Variants in LINGO2 observed in about 807,000 individuals in gnomAD.
LINGO2 encodes leucine-rich repeat and immunoglobulin-like domain-containing nogo receptor-interacting protein 2.
Under a neutral mutation model 30.6 loss-of-function variants are expected in LINGO2, and 14 were observed. The observed-to-expected ratio is 0.46, with a 90% CI of 0.30 to 0.72. The LOEUF is 0.72. Ranked by LOEUF, LINGO2 falls within the 30% of genes least tolerant of loss-of-function variation. The pLI is 0.07. For missense variants in LINGO2, 729 were observed against 751.7 expected (o/e 0.97, Z 0.35); for synonymous variants, 317 against 288.5 (o/e 1.10, Z -1.00).
the LINGO2 span, among the ~76,000 whole-genome samples, chr9:28,781,246 T>C: frequency 6.6e-6 from 1 of 152,116 alleles, no homozygotes; most frequent in Non-Finnish European, 1.5e-5. Flanking sequence ...GAACTGACAG[T>C]GCTCAAATAC....
At chr9:28,877,084 T>A in the LINGO2 span, among the ~76,000 whole-genome samples, 1 of 149,760 alleles carries the variant, frequency 6.7e-6, no homozygotes, top group African/African-American at 2.5e-5. Flanking sequence ...CTTCACCCAC[T>A]TTTTGATGGG....
the LINGO2 span, among the ~76,000 whole-genome samples, chr9:28,869,895 G>A: frequency 4.0e-5 from 6 of 151,184 alleles, no homozygotes; most frequent in African/African-American, 1.2e-4. Flanking sequence ...CCTGCCTTTC[G>A]ATTCTTCCCT....
intron 4 of LINGO2, among the ~76,000 whole-genome samples, chr9:28,188,700 GC>G (rs1819633470): frequency 6.6e-6 from 1 of 152,098 alleles, no homozygotes; most frequent in Non-Finnish European, 1.5e-5. Context: ...ATGGTGACAA[GC>G]CAAGGAAAAT....
At chr9:29,008,198 T>C in the LINGO2 span, among the ~76,000 whole-genome samples, 2 of 152,172 alleles carry the variant, frequency 1.3e-5, no homozygotes, top group Non-Finnish European at 2.9e-5. Context: ...GTCCTTGCAA[T>C]AGTTTGCTGA....
intron 4 of LINGO2, among the ~76,000 whole-genome samples, chr9:28,104,797 A>C (rs566692249): frequency 5.9e-5 from 9 of 152,266 alleles, no homozygotes; most frequent in African/African-American, 2.2e-4. Context: ...ATAATCATGC[A>C]AAAGAAATCA....
chr9:29,180,365 C>T, the LINGO2 span, among the ~76,000 whole-genome samples: 4 of 152,122 alleles, frequency 2.6e-5, no homozygotes, highest in East Asian at 1.9e-4. Flanking sequence ...GTTATACATG[C>T]GAGGCAAATA....
chr9:29,170,568 T>C, the LINGO2 span, among the ~76,000 whole-genome samples: 1 of 152,052 alleles, frequency 6.6e-6, no homozygotes, highest in South Asian at 2.1e-4. Context: ...CACAACTCAC[T>C]TGTATCCCCT....
At chr9:28,063,367 A>T (rs1203232556) in intron 4 of LINGO2, among the ~76,000 whole-genome samples, 1 of 152,098 alleles carries the variant, frequency 6.6e-6, no homozygotes, top group African/African-American at 2.4e-5. Context: ...CATGTAATAT[A>T]TGCCAGGCAC....
chr9:28,630,251 G>T (rs540902048), intron 1 of LINGO2, among the ~76,000 whole-genome samples: 2 of 151,604 alleles, frequency 1.3e-5, no homozygotes, highest in East Asian at 3.9e-4. Context: ...AAAAAAAAAA[G>T]TTTCAGTATT....
chr9:27,971,173 A>T (rs1447188752), intron 5 of LINGO2, among the ~76,000 whole-genome samples: 5 of 152,026 alleles, frequency 3.3e-5, no homozygotes, highest in Non-Finnish European at 5.9e-5. Flanking sequence ...ACTAAACGTC[A>T]CAATCTATCT....
At chr9:29,088,701 A>C in the LINGO2 span, among the ~76,000 whole-genome samples, 1 of 152,202 alleles carries the variant, frequency 6.6e-6, no homozygotes, top group Non-Finnish European at 1.5e-5. Flanking sequence ...TGTGATTCTA[A>C]GATAATCCTT....
intron 2 of LINGO2, among the ~76,000 whole-genome samples, chr9:28,387,375 G>C (rs865797124): frequency 2.0e-5 from 3 of 152,200 alleles, no homozygotes; most frequent in African/African-American, 7.2e-5. Context: ...TCAGCACTCT[G>C]TAAAAATGGA....
At chr9:28,849,387 T>C in the LINGO2 span, among the ~76,000 whole-genome samples, 3 of 152,022 alleles carry the variant, frequency 2.0e-5, no homozygotes, top group African/African-American at 7.2e-5. Context: ...ATATCATCTG[T>C]TTCATCTAGA....
chr9:29,172,479 A>G, the LINGO2 span, among the ~76,000 whole-genome samples: 6 of 151,980 alleles, frequency 3.9e-5, no homozygotes, highest in African/African-American at 1.4e-4. Context: ...CTCTGGATTC[A>G]GAAAGCACTG....
chr9:28,274,668 G>A (rs1823054279), intron 4 of LINGO2, among the ~76,000 whole-genome samples: 1 of 152,146 alleles, frequency 6.6e-6, no homozygotes, highest in Admixed American at 6.5e-5. Context: ...GATAAAGTGT[G>A]GCTAAATAAG....
chr9:28,337,478 A>G (rs1055148737), intron 3 of LINGO2, among the ~76,000 whole-genome samples: 1 of 152,220 alleles, frequency 6.6e-6, no homozygotes, highest in Non-Finnish European at 1.5e-5. Flanking sequence ...TTGTATAAGT[A>G]ACACGGAGCC....
chr9:28,548,309 A>T (rs892494537), intron 1 of LINGO2, among the ~76,000 whole-genome samples: 3 of 152,116 alleles, frequency 2.0e-5, no homozygotes, highest in African/African-American at 7.2e-5. Context: ...ATAGTAGACA[A>T]GGTTTTGAAC....
At position 28,185,124 on chromosome 9, in the gene LINGO2, A is replaced by C. The variant is rs541197994; in HGVS notation, c.-87+110084T>G. The stretch of plus-strand genomic sequence containing the variant: ...GCTTCCCCAAAATAGTGTCTTCAGA[A>C]CATTATTACTTTGGTTTAAGCATTG... On this transcript the variant is annotated intron_variant, in intron 4 of 5. Transcript: ENST00000379992. Among the ~76,000 whole-genome samples the C allele has an allele frequency of 7.9e-5, 12 of 152,320 alleles. No individual in the cohort carries two copies. In the South Asian group the frequency reaches 2.5e-3, roughly 32 times the overall value.
At chr9:28,991,463 T>G in the LINGO2 span, among the ~76,000 whole-genome samples, 2 of 147,756 alleles carry the variant, frequency 1.4e-5, no homozygotes, top group African/African-American at 5.0e-5. Context: ...CCAGGAGAAC[T>G]TCCCCAATCT....
Sources: gnomAD v4.1 joint callset for allele counts (sites outside exome capture counted in the v4.1 genomes callset) on GRCh38, gnomAD v4.1.1 for gene constraint, MANE v1.5 for transcripts, NCBI Gene and HGNC (gene_info 2026-07-23, HGNC 2026-07-21) for gene names.